The following AIG1 variants were observed in gnomAD, a reference collection of about 807,000 sequenced individuals.
AIG1 encodes androgen-induced gene 1 protein.
A neutral mutation model predicts 31.4 loss-of-function variants in AIG1; 23 were observed. The ratio of observed to expected loss-of-function variants is 0.73; its 90% CI spans 0.53 to 1.04. The LOEUF is 1.04. Among genes scored for constraint, AIG1 ranks in the 50% least tolerant of loss-of-function variants. The pLI, the probability that AIG1 is intolerant of heterozygous loss-of-function variation, is 0.00. For missense variants in AIG1, 274 were observed against 295.0 expected (o/e 0.93, Z 0.52); for synonymous variants, 100 against 110.5 (o/e 0.90, Z 0.60).
chr6:143,143,500 CAAAAAAA>C (rs60620136), intron 2 of AIG1, among the ~76,000 whole-genome samples: 408 of 27,488 alleles, frequency 0.015, 9 homozygotes, highest in African/African-American at 0.053. Flanking sequence ...GACTTCATCT[CAAAAAAA>C]AAAAAAAAAA....
At chr6:143,304,241 G>A (rs1474659872) in intron 4 of AIG1, among the ~76,000 whole-genome samples, 19 of 150,992 alleles carry the variant, frequency 1.3e-4, no homozygotes, top group African/African-American at 4.6e-4. Flanking sequence ...TAATTGCCCT[G>A]GCCAGAACTT....
At chr6:143,179,718 G>T (rs1788542339) in intron 3 of AIG1, among the ~76,000 whole-genome samples, 1 of 152,082 alleles carries the variant, frequency 6.6e-6, no homozygotes, top group Non-Finnish European at 1.5e-5. Context: ...GTAAATCGAT[G>T]AATTAGAAAA....
chr6:143,316,481 A>G (rs1389914000), intron 4 of AIG1, among the ~76,000 whole-genome samples: 1 of 152,028 alleles, frequency 6.6e-6, no homozygotes, highest in East Asian at 1.9e-4. Context: ...CTGTTACAGC[A>G]AAAGGGGATA....
At chr6:143,196,262 A>C (rs1464714826) in intron 3 of AIG1, among the ~76,000 whole-genome samples, 1 of 152,018 alleles carries the variant, frequency 6.6e-6, no homozygotes, top group Non-Finnish European at 1.5e-5. Flanking sequence ...CTTGTTTTGC[A>C]CATTTCTGGA....
At chr6:143,184,788 A>G (rs1789080668) in intron 3 of AIG1, among the ~76,000 whole-genome samples, 2 of 152,190 alleles carry the variant, frequency 1.3e-5, no homozygotes, top group South Asian at 4.1e-4. Flanking sequence ...GATAGCAAGA[A>G]TGTGTTTATG....
chr6:143,251,664 A>G (rs1158200299), intron 3 of AIG1, among the ~76,000 whole-genome samples: 1 of 152,116 alleles, frequency 6.6e-6, no homozygotes, highest in African/African-American at 2.4e-5. Context: ...TGTTTTTTTC[A>G]GGTTCTGTTT....
chr6:143,292,869 T>C lies in AIG1; in HGVS notation c.515+8644T>C, dbSNP rs1798152071. ...TGTTGTTCTGTTTATACGCTAGGAA[T>C]ACTCCATCCTAAGAGAGCCTCAGCT... On this transcript the variant is annotated intron_variant, in intron 4 of 5. Transcript: ENST00000357847. The surrounding 1 kb of genome is among the most constrained non-coding windows in gnomAD (Gnocchi z 4.9). Among the ~76,000 whole-genome samples, 1 of 152,204 alleles carries C rather than the reference T, an allele frequency of 6.6e-6. No homozygotes were observed. Among genetic ancestry groups the C allele is most frequent in the Non-Finnish European group, 1.5e-5 (1 of 68,032 alleles).
intron 3 of AIG1, among the ~76,000 whole-genome samples, chr6:143,237,550 T>C (rs534551929): frequency 6.6e-6 from 1 of 152,302 alleles, no homozygotes; most frequent in Admixed American, 6.5e-5. Context: ...TTAGTATGTA[T>C]TACCAATATT....
chr6:143,148,317 A>AACCAAACCCTGTTTTTACAAAACAT (rs1784875509), intron 2 of AIG1, among the ~76,000 whole-genome samples: 1 of 148,066 alleles, frequency 6.8e-6, no homozygotes, highest in African/African-American at 2.5e-5. Flanking sequence ...CCTGGGGAAC[A>AACCAAACCCTGTTTTTACAAAACAT]TAGTGAGATC....
chr6:143,270,965 C>T (rs1796485756), intron 3 of AIG1, among the ~76,000 whole-genome samples: 1 of 152,228 alleles, frequency 6.6e-6, no homozygotes, highest in South Asian at 2.1e-4. Context: ...TGCACAGGCA[C>T]ATTCTCTGTT....
At chr6:143,265,517 G>T (rs1464355319) in intron 3 of AIG1, among the ~76,000 whole-genome samples, 2 of 152,044 alleles carry the variant, frequency 1.3e-5, no homozygotes, top group Non-Finnish European at 2.9e-5. Context: ...CTAGCTGCCT[G>T]GCGGTCCTCA....
At chr6:143,155,526 C>T (rs56354779) in intron 2 of AIG1, among the ~76,000 whole-genome samples, 1,842 of 151,946 alleles carry the variant, frequency 0.012, 37 homozygotes, top group African/African-American at 0.042. Flanking sequence ...AGGAACTGGC[C>T]GCCGTGCAGG....
chr6:143,343,370 G>A (rs1777895095), downstream of AIG1: 5 of 572,374 alleles, frequency 8.7e-6, no homozygotes, highest in South Asian at 4.3e-5. Context: ...CAAACAAGAG[G>A]TGGCTCTAAG....
chr6:143,198,272 G>T (rs1790416648), intron 3 of AIG1, among the ~76,000 whole-genome samples: 1 of 152,270 alleles, frequency 6.6e-6, no homozygotes, highest in Admixed American at 6.5e-5. Context: ...GGTGGCGAGG[G>T]AAAATGCAAA....
chr6:143,076,415 A>G lies in AIG1; in HGVS notation c.141+15349A>G, dbSNP rs182713182. Among the ~76,000 whole-genome samples, 423 of 152,196 alleles carry G rather than the reference A, an allele frequency of 2.8e-3. 2 individuals are homozygous for G. The South Asian group carries it at 0.031, about 11-fold the overall frequency. The stretch of plus-strand genomic sequence containing the variant: ...TTCTTTGTATTAGTGTTTGCATGGT[A>G]TGTCTTTTTCCATATTTTTACTTTT... On this transcript the variant is annotated intron_variant, in intron 1 of 5. Coordinates refer to ENST00000357847, the MANE Select transcript of AIG1 (RefSeq NM_016108.4).
intron 3 of AIG1, among the ~76,000 whole-genome samples, chr6:143,192,082 T>G (rs1020619954): frequency 2.0e-5 from 3 of 152,232 alleles, no homozygotes; most frequent in African/African-American, 7.2e-5. Context: ...ATCAATTGTT[T>G]AATTGCTTTA....
chr6:143,335,395 G>C (rs564751884), intron 5 of AIG1: 132 of 187,858 alleles, frequency 7.0e-4, no homozygotes, highest in African/African-American at 2.9e-3. Context: ...AGCCAGGCAT[G>C]GTGGCGTGTG....
At chr6:143,088,208 A>C (rs141628823) in intron 1 of AIG1, among the ~76,000 whole-genome samples, 181 of 152,074 alleles carry the variant, frequency 1.2e-3, no homozygotes, top group African/African-American at 4.1e-3. Flanking sequence ...CAATTTGAAG[A>C]GTTGGCTTCT....
chr6:143,160,208 C>G (rs528730796), intron 2 of AIG1, among the ~76,000 whole-genome samples: 8 of 152,246 alleles, frequency 5.3e-5, no homozygotes, highest in African/African-American at 1.7e-4. Flanking sequence ...TTCTTTTTAG[C>G]CTTCTTCATG....
Sources: allele counts gnomAD v4.1 joint callset (sites outside exome capture counted in the v4.1 genomes callset), GRCh38; gene constraint gnomAD v4.1.1; non-coding constraint Gnocchi (gnomAD v3.1); transcripts MANE v1.5; gene names NCBI Gene and HGNC (gene_info 2026-07-23, HGNC 2026-07-21).